TTBK2: variants seen among roughly 807,000 people sequenced by gnomAD.
TTBK2 encodes tau tubulin kinase 2, also known as tau-tubulin kinase 2.
In TTBK2, 28 loss-of-function variants were observed where a neutral mutation model predicts 110.8. The ratio of observed to expected loss-of-function variants is 0.25; its 90% confidence interval spans 0.19 to 0.35. TTBK2 has a LOEUF of 0.35. Among genes scored for constraint, TTBK2 ranks in the 10% least tolerant of loss-of-function variants. The pLI is 1.00. For synonymous variants in TTBK2, 532 were observed against 527.3 expected (o/e 1.01, Z -0.12); for missense variants, 1,369 against 1,500.3 (o/e 0.91, Z 1.45).
At chr15:42,764,899 G>C (rs995266827) in intron 13 of TTBK2, among the ~76,000 whole-genome samples, 1 of 152,218 alleles carries the variant, frequency 6.6e-6, no homozygotes, top group Non-Finnish European at 1.5e-5. Flanking sequence ...CCTCTGAGAC[G>C]AAGCTTCCAG....
At chr15:42,909,136 G>GT (rs1212281053) in intron 1 of TTBK2, among the ~76,000 whole-genome samples, 3 of 152,162 alleles carry the variant, frequency 2.0e-5, no homozygotes, top group African/African-American at 7.2e-5. Context: ...GCTTTGTTTT[G>GT]TTTTTTAAGA....
At chr15:42,894,579 C>T (rs1019108232) in intron 1 of TTBK2, among the ~76,000 whole-genome samples, 3 of 152,020 alleles carry the variant, frequency 2.0e-5, no homozygotes, top group African/African-American at 7.2e-5. Context: ...TGGTGAAACC[C>T]TATCTCTACA....
Position 42,880,928 on chromosome 15 carries a change from A to T in TTBK2, c.-67-2244T>A, listed in dbSNP as rs141504456. Among the ~76,000 whole-genome samples, 244 of 152,294 alleles carry T rather than the reference A, an allele frequency of 1.6e-3. 4 individuals are homozygous for T. The East Asian group carries it at 0.036, about 22-fold the overall frequency. ...CCTATGGAACTAAAAAAATTAAAAA[A>T]AAAATAAAATAAACCATTGCATCCA... is the stretch of plus-strand genomic sequence containing the variant. On this transcript the variant is annotated intron_variant, in intron 1 of 14. Coordinates refer to ENST00000267890, the MANE Select transcript of TTBK2 (RefSeq NM_173500.4).
chr15:42,841,297 C>T (rs1473939212), intron 3 of TTBK2, among the ~76,000 whole-genome samples: 1 of 152,142 alleles, frequency 6.6e-6, no homozygotes. Context: ...ACCTCTGCCT[C>T]CTGGAGGGCT....
chr15:42,914,105 T>C (rs2141218340), intron 1 of TTBK2, among the ~76,000 whole-genome samples: 1 of 152,002 alleles, frequency 6.6e-6, no homozygotes, highest in South Asian at 2.1e-4. Context: ...GCCTCCCAAG[T>C]AGCTGGGACT....
At chr15:42,782,486 G>A (rs142293192) in intron 11 of TTBK2, among the ~76,000 whole-genome samples, 20 of 152,284 alleles carry the variant, frequency 1.3e-4, no homozygotes, top group South Asian at 1.2e-3. Context: ...TTTGCACAAT[G>A]TTCTGTCTTG....
intron 3 of TTBK2, among the ~76,000 whole-genome samples, chr15:42,870,837 G>A (rs1420720963): frequency 6.7e-6 from 1 of 150,024 alleles, no homozygotes; most frequent in African/African-American, 2.5e-5. Flanking sequence ...CTCCAGTGTG[G>A]TGACAGAACA....
chr15:42,795,797 C>G (rs967262505), intron 9 of TTBK2, among the ~76,000 whole-genome samples: 2 of 144,174 alleles, frequency 1.4e-5, no homozygotes, highest in African/African-American at 5.2e-5. Flanking sequence ...GAGACAAGAT[C>G]GTGTCACTGT....
In TTBK2 at chr15:42,872,905, T is replaced by C. The variant is rs552539320; in HGVS notation, c.70-147A>G. The C allele has an allele frequency of 1.0e-4, 103 of 1,019,726 alleles. No individual in the cohort carries two copies. In the South Asian group the frequency reaches 1.8e-3, roughly 18 times the overall value. 63.2% of individuals were successfully genotyped at this position (1,019,726 alleles called of 1,614,324 possible). On this transcript the variant is annotated intron_variant, in intron 2 of 14. Coordinates refer to ENST00000267890, the MANE Select transcript of TTBK2 (RefSeq NM_173500.4). The stretch of plus-strand genomic sequence containing the variant: ...AATATTGTTAAATTAACTATGTATA[T>C]GCCAAGAAGAAAACATATGCCTGAA...
chr15:42,900,652 G>A (rs1157297351), intron 1 of TTBK2, among the ~76,000 whole-genome samples: 1 of 152,024 alleles, frequency 6.6e-6, no homozygotes, highest in Non-Finnish European at 1.5e-5. Flanking sequence ...AACCCGGGAG[G>A]TGGAGGTTGC....
chr15:42,865,172 G>C (rs1423545874), intron 3 of TTBK2, among the ~76,000 whole-genome samples: 1 of 152,132 alleles, frequency 6.6e-6, no homozygotes, highest in Non-Finnish European at 1.5e-5. Context: ...GAGAAGGCCA[G>C]GCACAGTGGC....
chr15:42,890,239 C>G (rs1183265717), intron 1 of TTBK2, among the ~76,000 whole-genome samples: 1 of 152,204 alleles, frequency 6.6e-6, no homozygotes, highest in Non-Finnish European at 1.5e-5. Context: ...AATGATAATC[C>G]CACAACCCTT....
At position 42,779,348 on chromosome 15, in the gene TTBK2, G is replaced by A. The variant is rs537146156; in HGVS notation, c.1198-2106C>T. Among the ~76,000 whole-genome samples the A allele has an allele frequency of 1.4e-3, 212 of 149,714 alleles. 1 individual carries two copies. The highest frequency in any genetic ancestry group is 4.2e-3 in the African/African-American group (170 of 40,460). Reference sequence around the variant, plus strand: ...CGCTTTAACCCAAGAGGTGGAGGCTGAAGTGAGCTGAGATTGCGCCACTGC... The same window carrying A: ...CGCTTTAACCCAAGAGGTGGAGGCTAAAGTGAGCTGAGATTGCGCCACTGC... On this transcript the variant is annotated intron_variant, in intron 11 of 14. Transcript: ENST00000267890.
rs1013890854 is a variant in TTBK2, at chr15:42,741,400, T to A, written c.*4395A>T. 6.6e-6 allele frequency: 1 copy of A among 152,254 alleles called. No individual in the cohort carries two copies. The highest frequency in any genetic ancestry group is 1.5e-5 in the Non-Finnish European group (1 of 68,052). 9.4% of individuals were successfully genotyped at this position (152,254 alleles called of 1,614,324 possible). A position where few individuals can be genotyped will look rare whatever the true frequency, so the allele number is the denominator to read the frequency against. On this transcript the variant is annotated 3_prime_UTR_variant, in exon 15 of 15. Coordinates refer to ENST00000267890, the MANE Select transcript of TTBK2 (RefSeq NM_173500.4). Reference sequence around the variant, plus strand: ...AGGACTACCATAGAAGTTACATGCCTTAATCCTGTAATACTTTTGTGTGGT... The same window carrying A: ...AGGACTACCATAGAAGTTACATGCCATAATCCTGTAATACTTTTGTGTGGT...
intron 1 of TTBK2, among the ~76,000 whole-genome samples, chr15:42,880,134 A>C (rs2141136387): frequency 6.6e-6 from 1 of 152,342 alleles, no homozygotes; most frequent in Middle Eastern, 3.4e-3. Flanking sequence ...ATTAAAAAAA[A>C]GTTCTAAACT....
intron 10 of TTBK2, among the ~76,000 whole-genome samples, chr15:42,787,912 A>G (rs1016964015): frequency 1.3e-5 from 2 of 152,210 alleles, no homozygotes; most frequent in African/African-American, 2.4e-5. Context: ...GTACTTAAAA[A>G]AACTATATTG....
chr15:42,790,190 C>T (rs1890595300), intron 10 of TTBK2, among the ~76,000 whole-genome samples: 1 of 152,040 alleles, frequency 6.6e-6, no homozygotes, highest in South Asian at 2.1e-4. Flanking sequence ...TAGAAGAGAA[C>T]ATAGGAGGAA....
intron 14 of TTBK2, among the ~76,000 whole-genome samples, chr15:42,747,773 G>A (rs531790191): frequency 2.8e-4 from 43 of 152,246 alleles, no homozygotes; most frequent in Admixed American, 1.1e-3. Flanking sequence ...ATAAAACTAT[G>A]GTAATGGAAA....
chr15:42,758,145 T>C (rs1264169106), intron 13 of TTBK2, among the ~76,000 whole-genome samples: 1 of 152,228 alleles, frequency 6.6e-6, no homozygotes, highest in South Asian at 2.1e-4. Flanking sequence ...CCATTCCAAA[T>C]AGCCTTTCTT....
Sources: allele counts gnomAD v4.1 joint callset (sites outside exome capture counted in the v4.1 genomes callset), GRCh38; gene constraint gnomAD v4.1.1; transcripts MANE v1.5; gene names NCBI Gene and HGNC (gene_info 2026-07-23, HGNC 2026-07-21).